The following NELL2 variants were observed in gnomAD, a reference collection of about 807,000 sequenced individuals.
NELL2 encodes neural EGFL like 2.
A neutral mutation model predicts 109.6 loss-of-function variants in NELL2; 41 were observed. The observed-to-expected ratio is 0.37, with a 90% confidence interval of 0.29 to 0.49. NELL2 has a LOEUF of 0.49. Ranked by LOEUF, NELL2 falls within the 20% of genes least tolerant of loss-of-function variation. NELL2 has a pLI of 0.98. For missense variants in NELL2, 900 were observed against 1,008.3 expected, an observed-to-expected ratio of 0.89 and a Z score of 1.45; for synonymous variants, 355 against 344.7, an observed-to-expected ratio of 1.03 and a Z score of -0.33.
At chr12:44,891,331 G>T (rs76817303) in intron 1 of NELL2, among the ~76,000 whole-genome samples, 1,866 of 152,306 alleles carry the variant, frequency 0.012, 32 homozygotes, top group East Asian at 0.048. Context: ...CATGGGAGCA[G>T]ATCTTGCTAA....
chr12:44,754,887 A>T (rs1490895240), intron 9 of NELL2, among the ~76,000 whole-genome samples: 1 of 152,160 alleles, frequency 6.6e-6, no homozygotes, highest in Non-Finnish European at 1.5e-5. Context: ...TTCCATTAAG[A>T]TTTACTATCG....
At chr12:44,572,836 C>T (rs193247275) in intron 15 of NELL2, among the ~76,000 whole-genome samples, 3 of 152,190 alleles carry the variant, frequency 2.0e-5, no homozygotes, top group Non-Finnish European at 1.5e-5. Flanking sequence ...AGAAGCCACA[C>T]TGGAGACTAG....
At chr12:44,658,140 T>A (rs1451749448) in intron 13 of NELL2, among the ~76,000 whole-genome samples, 1 of 152,218 alleles carries the variant, frequency 6.6e-6, no homozygotes, top group Non-Finnish European at 1.5e-5. Flanking sequence ...CTCCACCATC[T>A]GTTGTTTCCT....
At chr12:44,597,254 C>T (rs1237612134) in intron 15 of NELL2, among the ~76,000 whole-genome samples, 7 of 152,096 alleles carry the variant, frequency 4.6e-5, no homozygotes, top group Non-Finnish European at 1.5e-5. Context: ...TTTTACAGCA[C>T]CTTTCATTTT....
rs117446180 is a variant in NELL2, at chr12:44,530,626, A to T, written c.1804+1955T>A. Reference sequence around the variant, plus strand: ...ACATCTGACATGAGGTTATAAAAAGACTATGGCTCCGATATTCGGCATCTG... The same window carrying T: ...ACATCTGACATGAGGTTATAAAAAGTCTATGGCTCCGATATTCGGCATCTG... On this transcript the variant is annotated intron_variant, in intron 16 of 19. Coordinates refer to ENST00000429094, the MANE Select transcript of NELL2 (RefSeq NM_001145108.2). Among the ~76,000 whole-genome samples the T allele has an allele frequency of 1.6e-3, 238 of 152,358 alleles. 2 individuals are homozygous for T. The East Asian group carries it at 0.024, about 16-fold the overall frequency.
intron 15 of NELL2, among the ~76,000 whole-genome samples, chr12:44,589,942 C>G (rs1944683251): frequency 6.6e-6 from 1 of 152,116 alleles, no homozygotes; most frequent in Admixed American, 6.6e-5. Context: ...TGTTCATATG[C>G]CCATTCCATC....
intron 19 of NELL2, among the ~76,000 whole-genome samples, chr12:44,510,733 C>A (rs910503305): frequency 2.6e-5 from 4 of 152,140 alleles, no homozygotes; most frequent in African/African-American, 4.8e-5. Flanking sequence ...TATCTCCAGC[C>A]CCTAACATAT....
intron 15 of NELL2, among the ~76,000 whole-genome samples, chr12:44,559,244 T>C (rs1943378603): frequency 6.6e-6 from 1 of 152,150 alleles, no homozygotes; most frequent in South Asian, 2.1e-4. Flanking sequence ...GTAAAGACCA[T>C]TGACACTATG....
At chr12:44,530,004 T>C (rs1050773990) in intron 16 of NELL2, among the ~76,000 whole-genome samples, 12 of 152,282 alleles carry the variant, frequency 7.9e-5, no homozygotes, top group African/African-American at 2.6e-4. Flanking sequence ...AATGATGCAG[T>C]TGAAAAAGAC....
rs377572799 is a variant in NELL2, at chr12:44,750,697, G to A, written c.994+24050C>T. ...CAAGAACAACAGTGCGGGTCAAAGC[G>A]TTCAGGAAAACCTTCTATTATGTTT... On this transcript the variant is annotated intron_variant, in intron 9 of 19. Transcript: ENST00000429094. 5.7e-4 allele frequency among the ~76,000 whole-genome samples: 86 copies of A among 152,144 alleles called. 2 individuals carry two copies. The South Asian group carries it at 0.017, about 29-fold the overall frequency.
chr12:44,703,099 A>G (rs1263599286), intron 12 of NELL2, among the ~76,000 whole-genome samples: 1 of 152,214 alleles, frequency 6.6e-6, no homozygotes, highest in Non-Finnish European at 1.5e-5. Flanking sequence ...ATCATAAATT[A>G]CCACATCTCA....
chr12:44,894,864 C>T (rs1428417193), intron 1 of NELL2, among the ~76,000 whole-genome samples: 1 of 152,150 alleles, frequency 6.6e-6, no homozygotes, highest in Admixed American at 6.5e-5. Context: ...ATACATGCTG[C>T]TCAATTCACA....
upstream of NELL2, among the ~76,000 whole-genome samples, chr12:44,877,259 C>T (rs538692465): frequency 6.6e-6 from 1 of 152,314 alleles, no homozygotes; most frequent in African/African-American, 2.4e-5. Flanking sequence ...CATGCAGGCT[C>T]TACCTGCCCT....
chr12:44,733,765 G>C (rs1939497304), intron 9 of NELL2, among the ~76,000 whole-genome samples: 1 of 151,886 alleles, frequency 6.6e-6, no homozygotes, highest in South Asian at 2.1e-4. Context: ...GGGAAGGAAG[G>C]GAGGAAGGAA....
chr12:44,844,524 G>C (rs1225786512), intron 2 of NELL2, among the ~76,000 whole-genome samples: 1 of 152,182 alleles, frequency 6.6e-6, no homozygotes, highest in South Asian at 2.1e-4. Flanking sequence ...CTCCTCAAAG[G>C]TGGGGGATGG....
At chr12:44,555,668 C>A (rs1208321599) in intron 15 of NELL2, among the ~76,000 whole-genome samples, 1 of 152,126 alleles carries the variant, frequency 6.6e-6, no homozygotes, top group African/African-American at 2.4e-5. Flanking sequence ...CAGAGACCAG[C>A]ATGACAGGAG....
intron 9 of NELL2, among the ~76,000 whole-genome samples, chr12:44,743,964 C>T (rs1940168107): frequency 6.6e-6 from 1 of 152,144 alleles, no homozygotes; most frequent in Non-Finnish European, 1.5e-5. Flanking sequence ...TAGACATCTA[C>T]AGAACTCTCC....
At chr12:44,776,259 T>A in intron 7 of NELL2, 109 bp from the exon 8 acceptor site, 2 of 1,064,810 alleles carry the variant, frequency 1.9e-6, no homozygotes, top group South Asian at 2.0e-5. Flanking sequence ...TGATGATGGC[T>A]GTGCTTATCA....
At chr12:44,600,305 G>A (rs1390712541) in intron 15 of NELL2, among the ~76,000 whole-genome samples, 1 of 151,470 alleles carries the variant, frequency 6.6e-6, no homozygotes, top group Non-Finnish European at 1.5e-5. Context: ...CACCGCGCCC[G>A]GCCGGAAAAC....
Sources: gnomAD v4.1 joint callset for allele counts (sites outside exome capture counted in the v4.1 genomes callset) on GRCh38, gnomAD v4.1.1 for gene constraint, MANE v1.5 for transcripts, NCBI Gene and HGNC (gene_info 2026-07-23, HGNC 2026-07-21) for gene names.